Variants in ASPG observed in about 807,000 individuals in gnomAD.
ASPG encodes the protein asparaginase.
ASPG carries 53 observed loss-of-function variants against 63.2 expected under a neutral mutation model. The ratio of observed to expected loss-of-function variants is 0.84; its 90% CI spans 0.67 to 1.05. ASPG has a LOEUF of 1.05. Ranked by LOEUF, ASPG falls within the 50% of genes least tolerant of loss-of-function variation. The pLI is 0.00. For missense variants in ASPG, 741 were observed against 794.4 expected, an observed-to-expected ratio of 0.93 and a Z score of 0.81; for synonymous variants, 370 against 355.0, an observed-to-expected ratio of 1.04 and a Z score of -0.48.
At chr14:104,096,244 G>A (rs78127948) in intron 4 of ASPG, among the ~76,000 whole-genome samples, 2,662 of 152,288 alleles carry the variant, frequency 0.017, 71 homozygotes, top group African/African-American at 0.06. Flanking sequence ...AGCTGACTAG[G>A]GGTCCATGTT....
At chr14:104,094,419 C>T (rs1031982244) in intron 3 of ASPG, among the ~76,000 whole-genome samples, 1 of 151,990 alleles carries the variant, frequency 6.6e-6, no homozygotes, top group African/African-American at 2.4e-5. Flanking sequence ...TGGTTTACAG[C>T]GACCTGTGTG....
intron 5 of ASPG, among the ~76,000 whole-genome samples, chr14:104,098,190 GCGTATGGAGGTTTTACGTTAGAGATA>G (rs1566830660): frequency 1.3e-4 from 18 of 133,808 alleles, no homozygotes; most frequent in Admixed American, 6.0e-4. Flanking sequence ...CGTTAGAGAT[GCGTATGGAGGTTTTACGTTAGAGATA>G]CGTATGGAGG....
rs1322985590 is a variant in ASPG, at chr14:104,105,394, C to T, written c.1117C>T (p.Gln373Ter). Residue 373 changes from glutamine (Q) to a stop codon, truncating the protein, a stop_gained, in exon 10 of 16, where the codon CAG (glutamine) becomes TAG (stop). Coordinates refer to ENST00000551177, the MANE Select transcript of ASPG (RefSeq NM_001080464.3). LOFTEE classifies it high-confidence loss of function. Reference protein sequence around the residue: ...PSVEERRPSLQGNTLGGGVSW... With the variant: ...PSVEERRPSL ...GGTGGAAGAGCGCCGGCCCTCACTG[C>T]AGGGCAACACGCTGGGCGGTGGGGT... 2 of 1,612,236 alleles carry T rather than the reference C, an allele frequency of 1.2e-6. No individual in the cohort carries two copies. Among genetic ancestry groups the T allele is most frequent in the South Asian group, 1.1e-5 (1 of 91,008 alleles).
intron 3 of ASPG, among the ~76,000 whole-genome samples, chr14:104,094,203 G>C (rs2036494335): frequency 6.6e-6 from 1 of 151,978 alleles, no homozygotes; most frequent in South Asian, 2.1e-4. Flanking sequence ...GACACAACGG[G>C]AACAGTTGTC....
At chr14:104,101,359 C>T (rs373862705) in intron 6 of ASPG, among the ~76,000 whole-genome samples, 164 of 152,248 alleles carry the variant, frequency 1.1e-3, no homozygotes, top group African/African-American at 3.5e-3. Context: ...AGCACCCTGT[C>T]GAGGGCTTGT....
chr14:104,102,693 G>A (rs563284940), intron 6 of ASPG, among the ~76,000 whole-genome samples: 188 of 152,306 alleles, frequency 1.2e-3, no homozygotes, highest in Non-Finnish European at 2.4e-3. Flanking sequence ...TTTGGGGGCC[G>A]GGCCTGTGGC....
Position 104,107,279 on chromosome 14 carries a change from G to C in ASPG, c.1367G>C (p.Arg456Thr), listed in dbSNP as rs761029389. ...HTEAVTMLLQRGVDVNTRDTD... is the reference protein window; with the variant it reads ...HTEAVTMLLQTGVDVNTRDTD... Reference sequence around the variant, plus strand: ...GAGGCAGTCACCATGCTGCTGCAGAGAGGTGTGGACGTGAACACCCGGGAC... The same window carrying C: ...GAGGCAGTCACCATGCTGCTGCAGACAGGTGTGGACGTGAACACCCGGGAC... Residue 456 changes from arginine to threonine, a missense_variant, in exon 12 of 16, where the codon AGA (arginine) becomes ACA (threonine). Transcript: ENST00000551177. The C allele has an allele frequency of 3.1e-6, 5 of 1,609,132 alleles. No individual in the cohort carries two copies. Among genetic ancestry groups the C allele is most frequent in the Non-Finnish European group, 4.2e-6 (5 of 1,177,760 alleles).
intron 10 of ASPG, among the ~76,000 whole-genome samples, 186 bp from the exon 11 acceptor site, chr14:104,106,613 G>T (rs534520286): frequency 2.0e-5 from 3 of 152,104 alleles, no homozygotes; most frequent in African/African-American, 7.2e-5. Flanking sequence ...GGCCTGGATG[G>T]GGTGGGGTGG....
chr14:104,100,116 A>G (rs2036807009), intron 6 of ASPG, among the ~76,000 whole-genome samples: 1 of 151,908 alleles, frequency 6.6e-6, no homozygotes, highest in Admixed American at 6.6e-5. Flanking sequence ...GGAGGAGCAG[A>G]CCCTCCTGGA....
intron 11 of ASPG, 58 bp from the exon 12 acceptor site, chr14:104,107,124 G>A: frequency 1.3e-6 from 2 of 1,518,490 alleles, no homozygotes; most frequent in Non-Finnish European, 1.8e-6. Context: ...CCTCCCCATG[G>A]CCTACCTGGC....
rs1596089256 is a variant in ASPG at position 104,101,337 on chromosome 14, G to A, written c.641-2226G>A. 2.6e-5 allele frequency among the ~76,000 whole-genome samples: 4 copies of A among 152,332 alleles called. No individual in the cohort carries two copies. The Middle Eastern group carries it at 0.014, about 518-fold the overall frequency. ...GGTAGCAATGCCGGCCTGGGCCCGG[G>A]TGCCAGCTGCCAGCACCCTGTCGAG... On this transcript the variant is annotated intron_variant, in intron 6 of 15. Coordinates refer to ENST00000551177, the MANE Select transcript of ASPG (RefSeq NM_001080464.3).
chr14:104,108,807 C>G, intron 12 of ASPG: 1 of 985,424 alleles, frequency 1.0e-6, no homozygotes, highest in Non-Finnish European at 1.2e-6. Context: ...GGGGTGTGAT[C>G]AGCGTTTGGG....
At chr14:104,106,950 T>C (rs1427696095) in intron 11 of ASPG, 56 bp downstream of exon 11, 16 of 1,503,764 alleles carry the variant, frequency 1.1e-5, no homozygotes, top group Admixed American at 2.0e-5. Flanking sequence ...CTGGGGGCTC[T>C]GAACCCTGTA....
chr14:104,095,394 G>A, intron 3 of ASPG, 137 bp from the exon 4 acceptor site: 2 of 1,232,646 alleles, frequency 1.6e-6, no homozygotes, highest in Non-Finnish European at 2.2e-6. Flanking sequence ...TTCCAGAGAG[G>A]GACTTCCAGG....
At chr14:104,103,740 G>A in intron 7 of ASPG, 65 bp downstream of exon 7, 2 of 1,407,442 alleles carry the variant, frequency 1.4e-6, no homozygotes, top group Non-Finnish European at 1.9e-6. Flanking sequence ...AGCTCCCACG[G>A]CCCTCAGGCT....
rs542645689 is a variant in ASPG, at chr14:104,111,056, C to T, written c.1521-446C>T. Reference sequence around the variant, plus strand: ...ACTTTCCTTCCACCTTTGCGGACCCCGCCCCGGGAAGAGCGGTGTGTTGTG... The same window carrying T: ...ACTTTCCTTCCACCTTTGCGGACCCTGCCCCGGGAAGAGCGGTGTGTTGTG... On this transcript the variant is annotated intron_variant, in intron 13 of 15. Coordinates refer to ENST00000551177, the MANE Select transcript of ASPG (RefSeq NM_001080464.3). 1,909 of 985,448 alleles carry T rather than the reference C, an allele frequency of 1.9e-3. 2 individuals are homozygous for T. The highest frequency in any genetic ancestry group is 2.1e-3 in the Non-Finnish European group (1,784 of 829,922). The allele number at this position is 985,448 out of a possible 1,614,324, so 61.0% of individuals were successfully genotyped here.
chr14:104,096,452 C>T lies in ASPG; in HGVS notation c.429+796C>T, dbSNP rs556046407. ...CAGCCACCCCACTCTGCTTGCCTGGCGCCGTCTCCCTTGTCCCTCCAGAGT... is the reference window on the plus strand; with the variant it reads ...CAGCCACCCCACTCTGCTTGCCTGGTGCCGTCTCCCTTGTCCCTCCAGAGT... On this transcript the variant is annotated intron_variant, in intron 4 of 15. Transcript: ENST00000551177. Among the ~76,000 whole-genome samples the T allele has an allele frequency of 2.8e-3, 421 of 152,266 alleles. 2 individuals are homozygous for T. Among genetic ancestry groups the T allele is most frequent in the Non-Finnish European group, 4.8e-3 (323 of 67,992 alleles).
intron 1 of ASPG, among the ~76,000 whole-genome samples, chr14:104,090,375 G>A (rs895557108): frequency 6.6e-6 from 1 of 152,142 alleles, no homozygotes; most frequent in Admixed American, 6.5e-5. Context: ...TTCCCATAAG[G>A]CACCCCAGCT....
At position 104,106,906 on chromosome 14, in the gene ASPG, C is replaced by A. The variant is rs1221256629; in HGVS notation, c.1269+12C>A. 1 of 1,562,392 alleles carries A rather than the reference C, an allele frequency of 6.4e-7. No individual in the cohort carries two copies. Among genetic ancestry groups the A allele is most frequent in the Admixed American group, 1.9e-5 (1 of 53,792 alleles). ...CGCTTGTGGAGCTGGTGAGCCTCCC[C>A]CACCCTGGGGGCCCAGCCCCAGCCA... On this transcript the variant is annotated intron_variant, in intron 11 of 15. Transcript: ENST00000551177.
Sources: allele counts gnomAD v4.1 joint callset (sites outside exome capture counted in the v4.1 genomes callset), GRCh38; gene constraint gnomAD v4.1.1; transcripts MANE v1.5; gene names NCBI Gene and HGNC (gene_info 2026-07-23, HGNC 2026-07-21).